Variants in CACNB4 observed in about 807,000 individuals in gnomAD.
CACNB4 encodes calcium voltage-gated channel auxiliary subunit beta 4.
Under a neutral mutation model 71.2 loss-of-function variants are expected in CACNB4, and 32 were observed. The observed-to-expected ratio is 0.45, with a 90% CI of 0.34 to 0.60. The LOEUF (loss-of-function observed/expected upper bound fraction) is 0.60, where lower values mean the gene tolerates loss of function less well. Ranked by LOEUF, CACNB4 falls within the 20% of genes least tolerant of loss-of-function variation. CACNB4 has a pLI of 0.01. For synonymous variants in CACNB4, 231 were observed against 236.9 expected (o/e 0.97, Z 0.23); for missense variants, 464 against 647.9 (o/e 0.72, Z 3.08).
intron 2 of CACNB4, among the ~76,000 whole-genome samples, chr2:151,948,529 T>G (rs147047629): frequency 1.7e-4 from 26 of 152,078 alleles, no homozygotes; most frequent in African/African-American, 6.0e-4. Flanking sequence ...GGCATAGTGA[T>G]GCATGCCTGT....
chr2:152,041,987 T>C (rs1345327387), intron 2 of CACNB4, among the ~76,000 whole-genome samples: 2 of 152,170 alleles, frequency 1.3e-5, no homozygotes, highest in African/African-American at 2.4e-5. Flanking sequence ...CAATAAATAG[T>C]TGAAGGAGTG....
At chr2:152,090,020 T>G (rs535783946) in intron 2 of CACNB4, among the ~76,000 whole-genome samples, 1 of 152,308 alleles carries the variant, frequency 6.6e-6, no homozygotes, top group East Asian at 1.9e-4. Context: ...GTGAGTGAGT[T>G]GCAAGCTGTT....
chr2:152,050,430 A>T (rs187254518), intron 2 of CACNB4, among the ~76,000 whole-genome samples: 98 of 152,356 alleles, frequency 6.4e-4, no homozygotes, highest in African/African-American at 2.2e-3. Flanking sequence ...ATCAGTTGCA[A>T]TCAAATGAAA....
intron 2 of CACNB4, among the ~76,000 whole-genome samples, chr2:152,053,705 G>A (rs1017666030): frequency 3.3e-5 from 5 of 151,830 alleles, no homozygotes; most frequent in Admixed American, 6.6e-5. Context: ...TCAATTTTTT[G>A]TAGAGATAGA....
intron 2 of CACNB4, among the ~76,000 whole-genome samples, chr2:152,007,061 G>C (rs1682771030): frequency 6.6e-6 from 1 of 152,168 alleles, no homozygotes; most frequent in South Asian, 2.1e-4. Context: ...GAGTTAATAA[G>C]TACTTTGTGC....
At chr2:151,883,029 C>T in intron 3 of CACNB4, 1 of 529,978 alleles carries the variant, frequency 1.9e-6, no homozygotes, top group South Asian at 2.1e-5. Flanking sequence ...CAATAATTCA[C>T]CACCAAACCA....
At chr2:151,855,491 A>G in intron 10 of CACNB4, 116 bp from the exon 11 acceptor site, 2 of 771,340 alleles carry the variant, frequency 2.6e-6, no homozygotes, top group Non-Finnish European at 1.9e-6. Context: ...AAACATTTTA[A>G]ATTTTCATAG....
At chr2:152,029,505 A>AG (rs1684154689) in intron 2 of CACNB4, among the ~76,000 whole-genome samples, 1 of 117,238 alleles carries the variant, frequency 8.5e-6, no homozygotes, top group Non-Finnish European at 1.6e-5. Context: ...AAAAAAAAAA[A>AG]AAAAAAGAAA....
At chr2:151,973,602 G>C (rs372028590) in intron 2 of CACNB4, 6 of 1,405,648 alleles carry the variant, frequency 4.3e-6, no homozygotes. Flanking sequence ...GAAGCGGGGG[G>C]GTGGAGGGGA....
At chr2:151,840,600 T>C (rs1452528423) in intron 13 of CACNB4, among the ~76,000 whole-genome samples, 1 of 152,222 alleles carries the variant, frequency 6.6e-6, no homozygotes, top group Admixed American at 6.5e-5. Context: ...TCCTAATGCA[T>C]GCGTATGTGC....
intron 2 of CACNB4, chr2:151,884,042 C>T (rs1418173694): frequency 6.5e-6 from 1 of 154,526 alleles, no homozygotes; most frequent in Non-Finnish European, 1.4e-5. Context: ...TGGCTCACGC[C>T]TGTAATCCCA....
At chr2:151,847,764 T>C (rs1256254632) in intron 12 of CACNB4, among the ~76,000 whole-genome samples, 1 of 152,200 alleles carries the variant, frequency 6.6e-6, no homozygotes, top group Non-Finnish European at 1.5e-5. Flanking sequence ...CACATGCCTG[T>C]AGTCCCAGCT....
At chr2:151,955,056 T>C (rs1053755028) in intron 2 of CACNB4, among the ~76,000 whole-genome samples, 4 of 151,944 alleles carry the variant, frequency 2.6e-5, no homozygotes, top group East Asian at 3.9e-4. Context: ...AGGGTTTCAC[T>C]GTGTTAGCCA....
chr2:151,931,221 C>T (rs937885780), intron 2 of CACNB4, among the ~76,000 whole-genome samples: 1 of 152,176 alleles, frequency 6.6e-6, no homozygotes, highest in Non-Finnish European at 1.5e-5. Context: ...AGGAATCTGT[C>T]CTGTGCTTGC....
At chr2:152,051,410 A>G (rs1685424405) in intron 2 of CACNB4, among the ~76,000 whole-genome samples, 1 of 152,208 alleles carries the variant, frequency 6.6e-6, no homozygotes, top group Non-Finnish European at 1.5e-5. Context: ...AATACTTGGT[A>G]TGGACTGAAT....
Position 151,853,562 on chromosome 2 carries a change from A to T in CACNB4, c.1021-19T>A, listed in dbSNP as rs1353177374. On this transcript the variant is annotated intron_variant, in intron 11 of 13. Transcript: ENST00000539935. ...GTAAAACCTGATAGAAGAAGACATG[A>T]ACCTGAGGTATTGTAGATGAGTTGA... 2 of 1,396,522 alleles carry T rather than the reference A, an allele frequency of 1.4e-6. No homozygotes were observed. Among genetic ancestry groups the T allele is most frequent in the Admixed American group, 2.0e-5 (1 of 50,008 alleles). 86.5% of individuals were successfully genotyped at this position (1,396,522 alleles called of 1,614,324 possible).
chr2:151,957,300 G>GTGTGTGTGTGTGTC (rs2099868556), intron 2 of CACNB4, among the ~76,000 whole-genome samples: 1 of 150,912 alleles, frequency 6.6e-6, no homozygotes, highest in Non-Finnish European at 1.5e-5. Flanking sequence ...GTGTGTGTGT[G>GTGTGTGTGTGTGTC]TCCCTTGGGA....
chr2:151,956,214 A>G (rs1038559913), intron 2 of CACNB4, among the ~76,000 whole-genome samples: 1 of 152,254 alleles, frequency 6.6e-6, no homozygotes, highest in African/African-American at 2.4e-5. Flanking sequence ...GAAGAAATTT[A>G]TGATCCACAC....
chr2:151,894,619 G>A (rs913696706), intron 2 of CACNB4, among the ~76,000 whole-genome samples: 1 of 152,104 alleles, frequency 6.6e-6, no homozygotes, highest in Non-Finnish European at 1.5e-5. Flanking sequence ...AAGTCAAACT[G>A]TCCCTCTTTA....
Sources: gnomAD v4.1 joint callset for allele counts (sites outside exome capture counted in the v4.1 genomes callset) on GRCh38, gnomAD v4.1.1 for gene constraint, MANE v1.5 for transcripts, NCBI Gene and HGNC (gene_info 2026-07-23, HGNC 2026-07-21) for gene names.